The following PIK3R6 variants were observed in gnomAD, a reference collection of about 807,000 sequenced individuals.
The protein encoded by PIK3R6 is phosphoinositide 3-kinase regulatory subunit 6.
PIK3R6 carries 91 observed loss-of-function variants against 84.9 expected under a neutral mutation model. That is an observed-to-expected ratio of 1.07 (90% CI 0.90 to 1.28). PIK3R6 has a LOEUF of 1.28. Among genes scored for constraint, PIK3R6 ranks in the 50% most tolerant of loss-of-function variants. The probability of loss-of-function intolerance (pLI) is 0.00; values close to 1 mark genes in which losing one functional copy is unlikely to be tolerated. For missense variants in PIK3R6, 996 were observed against 985.1 expected (o/e 1.01, Z -0.15); for synonymous variants, 416 against 411.4 (o/e 1.01, Z -0.13).
intron 10 of PIK3R6, among the ~76,000 whole-genome samples, chr17:8,829,439 C>T (rs1281497563): frequency 1.3e-5 from 2 of 150,922 alleles, no homozygotes; most frequent in African/African-American, 2.4e-5. Context: ...CATGGATACA[C>T]ACACTGACAC....
Position 8,828,986 on chromosome 17 carries a change from C to A in PIK3R6, c.894G>T (p.Lys298Asn). ...HLWTGEEQLW[K>N]ELVLFLRPRS... is the part of the protein sequence containing the mutation. ...TTGGGCGGAGGAAGAGCACCAGTTC[C>A]TTCCCTGGGGTGGGGGAACAAGGGC... The change falls in exon 11 of 20, where the codon AAG (lysine) becomes AAT (asparagine). Residue 298 changes from lysine (K) to asparagine (N), a missense_variant. Coordinates refer to ENST00000619866, the MANE Select transcript of PIK3R6 (RefSeq NM_001010855.4). The A allele has an allele frequency of 1.3e-6, 2 of 1,496,724 alleles. No homozygotes were observed. Among genetic ancestry groups the A allele is most frequent in the Non-Finnish European group, 1.8e-6 (2 of 1,123,418 alleles). 92.7% of individuals were successfully genotyped at this position (1,496,724 alleles called of 1,614,324 possible). A position where few individuals can be genotyped will look rare whatever the true frequency, so the allele number is the denominator to read the frequency against.
intron 1 of PIK3R6, among the ~76,000 whole-genome samples, chr17:8,867,037 G>A (rs183866185): frequency 1.4e-4 from 22 of 152,348 alleles, no homozygotes; most frequent in African/African-American, 5.0e-4. Flanking sequence ...CTGGGACCCA[G>A]ATGTTTCACA....
rs1374824432 is a variant in PIK3R6 at position 8,862,477 on chromosome 17, C to T, written c.-92+5052G>A. Among the ~76,000 whole-genome samples the T allele has an allele frequency of 1.3e-5, 2 of 152,128 alleles. No individual in the cohort carries two copies. The highest frequency in any genetic ancestry group is 4.8e-5 in the African/African-American group (2 of 41,396). ...GATGCTCAGAATACTGCAAAGAAGA[C>T]ACTGGTCCCATAAGAAATGTGGAGA... On this transcript the variant is annotated intron_variant, in intron 1 of 19. Transcript: ENST00000619866. This position sits in a 1 kb window ranked among gnomAD's most constrained non-coding sequence, Gnocchi z 4.3.
intron 1 of PIK3R6, among the ~76,000 whole-genome samples, chr17:8,856,824 C>T (rs1350379802): frequency 6.6e-6 from 1 of 151,542 alleles, no homozygotes; most frequent in Non-Finnish European, 1.5e-5. Flanking sequence ...TATATTTGAC[C>T]TTATTTTTTA....
chr17:8,838,517 T>C (rs1427315169), intron 4 of PIK3R6, 47 bp downstream of exon 4: 1 of 1,541,228 alleles, frequency 6.5e-7, no homozygotes, highest in African/African-American at 1.4e-5. Flanking sequence ...AATTGGCCCC[T>C]CTCTTCCTTT....
intron 1 of PIK3R6, among the ~76,000 whole-genome samples, chr17:8,864,045 G>T (rs1331463205): frequency 1.3e-5 from 2 of 152,200 alleles, no homozygotes; most frequent in Non-Finnish European, 2.9e-5. Flanking sequence ...GATGTTGGGA[G>T]ACAATTCTCC....
intron 18 of PIK3R6, among the ~76,000 whole-genome samples, chr17:8,812,743 T>C (rs1655493458): frequency 6.6e-6 from 1 of 151,878 alleles, no homozygotes; most frequent in African/African-American, 2.4e-5. Context: ...ACCTCTGGAG[T>C]ACATCAAAAG....
chr17:8,846,764 G>A (rs2088823711), intron 2 of PIK3R6, among the ~76,000 whole-genome samples: 1 of 152,022 alleles, frequency 6.6e-6, no homozygotes, highest in Admixed American at 6.6e-5. Context: ...GATGCTATGT[G>A]CTCACCAGAC....
intron 18 of PIK3R6, among the ~76,000 whole-genome samples, chr17:8,818,295 G>C (rs1190360988): frequency 6.6e-6 from 1 of 152,152 alleles, no homozygotes; most frequent in Non-Finnish European, 1.5e-5. Flanking sequence ...AAGCTAAGTG[G>C]GGAAGTGAAG....
chr17:8,866,526 C>T (rs996993432), intron 1 of PIK3R6, among the ~76,000 whole-genome samples: 3 of 152,076 alleles, frequency 2.0e-5, no homozygotes, highest in African/African-American at 4.8e-5. Context: ...TGCGCAAAAG[C>T]GTGAGACTGT....
At chr17:8,846,619 G>T (rs957265442) in intron 2 of PIK3R6, among the ~76,000 whole-genome samples, 3 of 152,052 alleles carry the variant, frequency 2.0e-5, no homozygotes, top group Admixed American at 1.3e-4. Context: ...CCATTTGTTT[G>T]TGTCATCTAT....
intron 2 of PIK3R6, among the ~76,000 whole-genome samples, chr17:8,840,358 A>G (rs954251233): frequency 1.9e-4 from 27 of 140,350 alleles, no homozygotes; most frequent in Admixed American, 5.2e-4. Flanking sequence ...TAGCCTCCAA[A>G]TATGTATATG....
chr17:8,819,810 G>A (rs1224913563), intron 17 of PIK3R6, among the ~76,000 whole-genome samples: 12 of 140,042 alleles, frequency 8.6e-5, no homozygotes, highest in East Asian at 2.1e-4. Context: ...AGACACACAC[G>A]TATATACATA....
chr17:8,833,244 C>G (rs1002678542), intron 8 of PIK3R6, among the ~76,000 whole-genome samples, 199 bp from the exon 9 acceptor site: 6 of 152,382 alleles, frequency 3.9e-5, no homozygotes, highest in Admixed American at 1.3e-4. Context: ...GGGTTCCCCT[C>G]TGCCCCTCAC....
At chr17:8,822,081 G>A (rs1240719787) in intron 16 of PIK3R6, 145 bp from the exon 17 acceptor site, 2 of 649,104 alleles carry the variant, frequency 3.1e-6, no homozygotes, top group Non-Finnish European at 5.1e-6. Flanking sequence ...TGAGCCAGGG[G>A]GTTTCACTAT....
chr17:8,819,792 GTA>G (rs1019164647), intron 17 of PIK3R6, among the ~76,000 whole-genome samples: 58 of 143,340 alleles, frequency 4.0e-4, no homozygotes, highest in Non-Finnish European at 5.9e-4. Flanking sequence ...ATATATATGT[GTA>G]TATATAGACA....
intron 10 of PIK3R6, among the ~76,000 whole-genome samples, chr17:8,829,461 CAT>C (rs938792943): frequency 8.2e-5 from 12 of 145,558 alleles, no homozygotes; most frequent in East Asian, 6.1e-4. Context: ...CATCCACACA[CAT>C]ACACTGACAC....
chr17:8,811,944 A>AT (rs1486295135), intron 18 of PIK3R6, among the ~76,000 whole-genome samples: 1 of 132,838 alleles, frequency 7.5e-6, no homozygotes, highest in African/African-American at 3.0e-5. Flanking sequence ...TACTCAATCC[A>AT]TTTCACACTG....
In PIK3R6 at chr17:8,819,196, A is replaced by C. The variant is rs748363886; in HGVS notation, c.1882T>G (p.Ser628Ala). 1 of 1,599,906 alleles carries C rather than the reference A, an allele frequency of 6.3e-7. No individual in the cohort carries two copies. The highest frequency in any genetic ancestry group is 8.5e-7 in the Non-Finnish European group (1 of 1,171,132). The change falls in exon 18 of 20, where the codon TCA becomes GCA. Residue 628 changes from serine to alanine, a missense_variant and splice_region_variant. Physicochemically the swap from Ser to Ala is moderately conservative, Grantham distance 99 (BLOSUM62 1). Coordinates refer to ENST00000619866, the MANE Select transcript of PIK3R6 (RefSeq NM_001010855.4). ...GGCAGGGGGCAATGGCTAGACCCTG[A>C]AACTGAATGAGATGGGTGGGGCTGT... Reference protein sequence around the residue: ...KAIPASDTEVSGSSHCPLPAA... With the variant: ...KAIPASDTEVAGSSHCPLPAA...
Sources: gnomAD v4.1 joint callset for allele counts (sites outside exome capture counted in the v4.1 genomes callset) on GRCh38, gnomAD v4.1.1 for gene constraint, Gnocchi (gnomAD v3.1) non-coding constraint, MANE v1.5 for transcripts, NCBI Gene and HGNC (gene_info 2026-07-23, HGNC 2026-07-21) for gene names.